Variants in TENM3 observed in about 807,000 individuals in gnomAD.
TENM3 encodes the protein teneurin-3.
Under a neutral mutation model 255.1 loss-of-function variants are expected in TENM3, and 63 were observed. The ratio of observed to expected loss-of-function variants is 0.25; its 90% CI spans 0.20 to 0.30. TENM3 has a LOEUF of 0.30. Ranked by LOEUF, TENM3 falls within the 10% of genes least tolerant of loss-of-function variation. The pLI is 1.00. For missense variants in TENM3, 2,929 were observed against 3,461.1 expected, an observed-to-expected ratio of 0.85 and a Z score of 3.86; for synonymous variants, 1,306 against 1,322.3, an observed-to-expected ratio of 0.99 and a Z score of 0.27.
At chr4:181,568,045 G>A in the TENM3 span, among the ~76,000 whole-genome samples, 3 of 152,006 alleles carry the variant, frequency 2.0e-5, no homozygotes, top group Non-Finnish European at 4.4e-5. Context: ...CTTAAAATAC[G>A]AGTTAAGGAA....
At chr4:181,626,670 G>A in the TENM3 span, among the ~76,000 whole-genome samples, 1 of 152,158 alleles carries the variant, frequency 6.6e-6, no homozygotes, top group African/African-American at 2.4e-5. Flanking sequence ...CCATTCGTGA[G>A]GGATCTGCCC....
chr4:181,480,922 C>T, the TENM3 span, among the ~76,000 whole-genome samples: 1 of 150,640 alleles, frequency 6.6e-6, no homozygotes, highest in Non-Finnish European at 1.5e-5. Flanking sequence ...ATTATTATTC[C>T]ATGAGTAAAG....
the TENM3 span, among the ~76,000 whole-genome samples, chr4:182,022,081 T>C: frequency 1.3e-5 from 2 of 152,032 alleles, no homozygotes; most frequent in Non-Finnish European, 2.9e-5. Flanking sequence ...CAAATTGTTC[T>C]GCACTCGTAT....
the TENM3 span, among the ~76,000 whole-genome samples, chr4:181,591,484 G>A: frequency 1.3e-5 from 2 of 152,170 alleles, no homozygotes; most frequent in Non-Finnish European, 2.9e-5. Context: ...ATGTCCATCA[G>A]TAAATGAATG....
chr4:182,403,498 G>A (rs1415854346), intron 3 of TENM3, among the ~76,000 whole-genome samples: 1 of 152,122 alleles, frequency 6.6e-6, no homozygotes, highest in African/African-American at 2.4e-5. Flanking sequence ...TAGACAGATA[G>A]GGACACACTA....
the TENM3 span, among the ~76,000 whole-genome samples, chr4:182,001,002 C>CTT: frequency 0.24 from 31,087 of 130,422 alleles, 3,941 homozygotes; most frequent in Admixed American, 0.34. Context: ...GTTTTCTTTC[C>CTT]TTTTTTTTTT....
intron 22 of TENM3, among the ~76,000 whole-genome samples, chr4:182,763,603 AG>A (rs1336395395): frequency 1.3e-5 from 2 of 152,196 alleles, no homozygotes; most frequent in African/African-American, 2.4e-5. Flanking sequence ...GGCAAGCATA[AG>A]CCTTGCCAAA....
At chr4:182,254,441 C>T (rs1465970579) in intron 1 of TENM3, among the ~76,000 whole-genome samples, 8 of 151,750 alleles carry the variant, frequency 5.3e-5, no homozygotes, top group South Asian at 2.1e-4. Flanking sequence ...AAATATCAGT[C>T]GACTCATGAA....
the TENM3 span, among the ~76,000 whole-genome samples, chr4:181,590,261 G>A: frequency 6.6e-6 from 1 of 152,102 alleles, no homozygotes; most frequent in Admixed American, 6.6e-5. Flanking sequence ...CCCCAACACA[G>A]GCTCCTGGGA....
At chr4:182,181,200 G>A (rs574358761) in intron 1 of TENM3, among the ~76,000 whole-genome samples, 1 of 152,150 alleles carries the variant, frequency 6.6e-6, no homozygotes, top group African/African-American at 2.4e-5. Flanking sequence ...TAACTAATCA[G>A]GACTGTTTCA....
chr4:182,567,627 C>T (rs540890527), intron 3 of TENM3, among the ~76,000 whole-genome samples: 1 of 152,190 alleles, frequency 6.6e-6, no homozygotes, highest in East Asian at 1.9e-4. Context: ...ACTCTTCGGG[C>T]AGACTTCTTC....
the TENM3 span, among the ~76,000 whole-genome samples, chr4:182,133,133 A>G: frequency 6.6e-6 from 1 of 152,192 alleles, no homozygotes; most frequent in African/African-American, 2.4e-5. Flanking sequence ...TATCATAAGG[A>G]CTTTAAATCT....
chr4:181,495,518 C>A, the TENM3 span, among the ~76,000 whole-genome samples: 1 of 151,202 alleles, frequency 6.6e-6, no homozygotes, highest in Non-Finnish European at 1.5e-5. Flanking sequence ...AGACCTAAAG[C>A]TCCTTAGGAC....
At chr4:182,555,286 G>T (rs900003991) in intron 3 of TENM3, among the ~76,000 whole-genome samples, 1 of 151,850 alleles carries the variant, frequency 6.6e-6, no homozygotes, top group Non-Finnish European at 1.5e-5. Flanking sequence ...TAGAGGTTTG[G>T]GTTTTTTAAA....
At chr4:181,471,967 C>A in the TENM3 span, among the ~76,000 whole-genome samples, 1 of 152,050 alleles carries the variant, frequency 6.6e-6, no homozygotes, top group African/African-American at 2.4e-5. Flanking sequence ...CTTATTAGTT[C>A]AGATGCTTCT....
chr4:181,921,769 A>G, the TENM3 span, among the ~76,000 whole-genome samples: 1 of 152,112 alleles, frequency 6.6e-6, no homozygotes, highest in Non-Finnish European at 1.5e-5. Flanking sequence ...TTCCAAAACT[A>G]TGTTGAATAG....
Position 182,800,509 on chromosome 4 carries a change from TC to T in TENM3, c.*160del. ...ACCGCGAAAACAAGGACCGCTTTTT[TC>T]CGAATGACCTTAAAGGTGATCGGCT... is the stretch of plus-strand genomic sequence containing the variant. On this transcript the variant is annotated 3_prime_UTR_variant, in exon 28 of 28. Coordinates refer to ENST00000511685, the MANE Select transcript of TENM3 (RefSeq NM_001080477.4). 1.2e-6 allele frequency: 1 copy of T among 864,072 alleles called. No individual in the cohort carries two copies. Among genetic ancestry groups the T allele is most frequent in the South Asian group, 1.8e-5 (1 of 55,698 alleles). The allele number at this position is 864,072 out of a possible 1,614,324, so 53.5% of individuals were successfully genotyped here. A position where few individuals can be genotyped will look rare whatever the true frequency, so the allele number is the denominator to read the frequency against.
chr4:181,608,405 G>T, the TENM3 span, among the ~76,000 whole-genome samples: 1 of 152,132 alleles, frequency 6.6e-6, no homozygotes, highest in Non-Finnish European at 1.5e-5. Context: ...GTCCAAAGTT[G>T]CTTTTGTGTT....
At chr4:182,162,994 C>T (rs1466438433) in intron 1 of TENM3, among the ~76,000 whole-genome samples, 1 of 152,170 alleles carries the variant, frequency 6.6e-6, no homozygotes, top group African/African-American at 2.4e-5. Context: ...TGCCCCTTCT[C>T]CTGTATTTGT....
Sources: gnomAD v4.1 joint callset for allele counts (sites outside exome capture counted in the v4.1 genomes callset) on GRCh38, gnomAD v4.1.1 for gene constraint, MANE v1.5 for transcripts, NCBI Gene and HGNC (gene_info 2026-07-23, HGNC 2026-07-21) for gene names.